ME1: variants seen among roughly 807,000 people sequenced by gnomAD.
The protein encoded by ME1 is NADP-dependent malic enzyme.
Under a neutral mutation model 66.4 loss-of-function variants are expected in ME1, and 74 were observed. The observed-to-expected ratio is 1.11, with a 90% confidence interval of 0.92 to 1.35. The LOEUF is 1.35. Among genes scored for constraint, ME1 ranks in the 40% most tolerant of loss-of-function variants. ME1 has a pLI of 0.00. For missense variants in ME1, 750 were observed against 694.1 expected (o/e 1.08, Z -0.90); for synonymous variants, 251 against 235.6 (o/e 1.07, Z -0.60).
Position 83,348,686 on chromosome 6 carries a change from T to TA in ME1, c.439-2353dup, listed in dbSNP as rs538722681. 5.3e-3 allele frequency among the ~76,000 whole-genome samples: 740 copies of TA among 140,486 alleles called. 2 individuals are homozygous for TA. The highest frequency in any genetic ancestry group is 0.019 in the Middle Eastern group (5 of 268). 92.2% of individuals were successfully genotyped at this position (140,486 alleles called of 152,430 possible). A position where few individuals can be genotyped will look rare whatever the true frequency, so the allele number is the denominator to read the frequency against. On this transcript the variant is annotated intron_variant, in intron 4 of 13. Transcript: ENST00000369705. ...TAAACTAAATATATGTCTTGAACAT[T>TA]AAAAAAAAAAAAAAGTGGGCCAATT...
intron 5 of ME1, among the ~76,000 whole-genome samples, chr6:83,325,595 T>C (rs1420603767): frequency 6.6e-6 from 1 of 152,148 alleles, no homozygotes. Context: ...AGCCAAATCA[T>C]GAGTGAACTC....
chr6:83,322,825 G>A (rs1189199488), intron 5 of ME1, among the ~76,000 whole-genome samples: 5 of 152,142 alleles, frequency 3.3e-5, no homozygotes, highest in East Asian at 1.9e-4. Flanking sequence ...GATACTCCTC[G>A]ACAAAAGCAA....
At chr6:83,314,980 T>C (rs1328225253) in intron 6 of ME1, among the ~76,000 whole-genome samples, 3 of 152,110 alleles carry the variant, frequency 2.0e-5, no homozygotes, top group South Asian at 2.1e-4. Flanking sequence ...AAAGTACAGA[T>C]TGTCGATAAA....
chr6:83,382,222 T>C (rs1769418558), intron 3 of ME1, among the ~76,000 whole-genome samples: 1 of 152,132 alleles, frequency 6.6e-6, no homozygotes. Flanking sequence ...TTCACTTGAA[T>C]ATTACCTGTA....
intron 9 of ME1, among the ~76,000 whole-genome samples, chr6:83,231,721 T>C (rs917228063): frequency 2.6e-5 from 4 of 152,204 alleles, no homozygotes; most frequent in African/African-American, 9.6e-5. Flanking sequence ...GTAGATGTCT[T>C]TTCCCTTCAT....
chr6:83,283,716 A>T (rs1767349271), intron 6 of ME1, among the ~76,000 whole-genome samples: 1 of 152,220 alleles, frequency 6.6e-6, no homozygotes, highest in Non-Finnish European at 1.5e-5. Flanking sequence ...GAAAAAGTAA[A>T]CAACCTGAAA....
chr6:83,224,720 T>TAAATA (rs1190237796), intron 11 of ME1, among the ~76,000 whole-genome samples: 2 of 148,178 alleles, frequency 1.3e-5, no homozygotes, highest in South Asian at 2.1e-4. Context: ...TAATAATAAA[T>TAAATA]AAATAAAATA....
intron 3 of ME1, among the ~76,000 whole-genome samples, chr6:83,391,673 C>A (rs1189556062): frequency 1.3e-5 from 2 of 152,158 alleles, no homozygotes; most frequent in African/African-American, 4.8e-5. Flanking sequence ...CACTCATTGA[C>A]CCACCTCTGT....
chr6:83,418,237 G>C (rs552759299), intron 1 of ME1, among the ~76,000 whole-genome samples: 7 of 152,330 alleles, frequency 4.6e-5, no homozygotes, highest in Non-Finnish European at 1.5e-5. Context: ...GAGAGAAATA[G>C]TATAATTGGC....
At chr6:83,393,476 C>T in intron 3 of ME1, 1 of 474,524 alleles carries the variant, frequency 2.1e-6, no homozygotes, top group South Asian at 2.6e-5. Context: ...GCTGGAGAGT[C>T]CCTGCCACAC....
intron 6 of ME1, among the ~76,000 whole-genome samples, chr6:83,262,761 G>A (rs1766921805): frequency 6.6e-6 from 1 of 152,132 alleles, no homozygotes; most frequent in South Asian, 2.1e-4. Flanking sequence ...AGTGAGTGTT[G>A]CCATCTAAGA....
intron 3 of ME1, among the ~76,000 whole-genome samples, chr6:83,363,689 G>A (rs1288959879): frequency 1.3e-5 from 2 of 152,208 alleles, no homozygotes; most frequent in African/African-American, 4.8e-5. Flanking sequence ...CAGAAAGGAG[G>A]ACTGTAATTG....
rs757477104 is a variant in ME1 at position 83,237,781 on chromosome 6, C to T, written c.962G>A (p.Gly321Asp). 2 of 1,608,292 alleles carry T rather than the reference C, an allele frequency of 1.2e-6. No homozygotes were observed. The highest frequency in any genetic ancestry group is 1.7e-5 in the Admixed American group (1 of 59,382). Residue 321 changes from glycine to aspartate, a missense_variant, in exon 9 of 14, where the codon GGT (glycine) becomes GAT (aspartate). Coordinates refer to ENST00000369705, the MANE Select transcript of ME1 (RefSeq NM_002395.6). ...TTTGATGGCTTTCTCTTTTGGTAAA[C>T]CTTCTTTTTCCAAGGCCATCACAAT... ...HLIVMALEKE[G>D]LPKEKAIKKI...
chr6:83,242,650 T>G (rs1282793380), intron 7 of ME1, among the ~76,000 whole-genome samples: 1 of 151,980 alleles, frequency 6.6e-6, no homozygotes, highest in African/African-American at 2.4e-5. Context: ...AACACACAAT[T>G]AGTATTCCTT....
chr6:83,414,297 TC>T (rs1176969771), intron 1 of ME1, among the ~76,000 whole-genome samples: 2 of 152,020 alleles, frequency 1.3e-5, no homozygotes, highest in Admixed American at 6.6e-5. Context: ...TTTATTAGTC[TC>T]CTTTAAAGGA....
At chr6:83,300,060 T>C (rs535533425) in intron 6 of ME1, among the ~76,000 whole-genome samples, 1 of 152,244 alleles carries the variant, frequency 6.6e-6, no homozygotes, top group African/African-American at 2.4e-5. Context: ...GCCTGAAGTT[T>C]TCTTTTTCTG....
intron 6 of ME1, among the ~76,000 whole-genome samples, chr6:83,268,113 A>C (rs1020560143): frequency 2.6e-5 from 4 of 152,164 alleles, no homozygotes; most frequent in African/African-American, 9.6e-5. Context: ...TTGTTAGCTG[A>C]ACTGCAGAAC....
intron 6 of ME1, among the ~76,000 whole-genome samples, chr6:83,264,215 A>G (rs148388318): frequency 6.6e-6 from 1 of 152,356 alleles, no homozygotes; most frequent in Non-Finnish European, 1.5e-5. Context: ...ATCTGTTTAC[A>G]GCATGGTTTA....
intron 6 of ME1, among the ~76,000 whole-genome samples, chr6:83,259,128 G>A (rs1350042724): frequency 6.6e-6 from 1 of 152,082 alleles, no homozygotes; most frequent in Non-Finnish European, 1.5e-5. Context: ...ATAGTAAAAT[G>A]TTTTTATAGG....
Sources: allele counts gnomAD v4.1 joint callset (sites outside exome capture counted in the v4.1 genomes callset), GRCh38; gene constraint gnomAD v4.1.1; transcripts MANE v1.5; gene names NCBI Gene and HGNC (gene_info 2026-07-23, HGNC 2026-07-21).